Variants in ZNF33B observed in about 807,000 individuals in gnomAD.
ZNF33B encodes zinc finger protein 33B.
A neutral mutation model predicts 45.8 loss-of-function variants in ZNF33B; 29 were observed. That is an observed-to-expected ratio of 0.63 (90% CI 0.47 to 0.86). The LOEUF is 0.86. Among genes scored for constraint, ZNF33B ranks in the 40% least tolerant of loss-of-function variants. ZNF33B has a pLI of 0.00. For synonymous variants in ZNF33B, 305 were observed against 307.8 expected, an observed-to-expected ratio of 0.99 and a Z score of 0.10; for missense variants, 831 against 909.9, an observed-to-expected ratio of 0.91 and a Z score of 1.12.
intron 4 of ZNF33B, among the ~76,000 whole-genome samples, chr10:42,601,979 G>A (rs1187830694): frequency 7.0e-6 from 1 of 143,280 alleles, no homozygotes; most frequent in Non-Finnish European, 1.5e-5. Flanking sequence ...GTGCAGAGGT[G>A]CAATCTTGGC....
chr10:42,585,564 T>G (rs1836916720), downstream of ZNF33B, among the ~76,000 whole-genome samples: 2 of 152,232 alleles, frequency 1.3e-5, no homozygotes, highest in Admixed American at 1.3e-4. Context: ...TACCAATGAT[T>G]GATAACACCA....
intron 4 of ZNF33B, among the ~76,000 whole-genome samples, chr10:42,629,491 A>C (rs1838957258): frequency 6.6e-6 from 1 of 152,224 alleles, no homozygotes. Flanking sequence ...ACTTGAGGGA[A>C]TAGATACCCA....
intron 2 of ZNF33B, among the ~76,000 whole-genome samples, chr10:42,635,492 T>C (rs1463123489): frequency 6.6e-6 from 1 of 152,134 alleles, no homozygotes; most frequent in Admixed American, 6.6e-5. Flanking sequence ...ATTTAAAATG[T>C]AGGGGTTTTT....
At chr10:42,638,100 A>C (rs376253560) in intron 1 of ZNF33B, among the ~76,000 whole-genome samples, 3 of 152,370 alleles carry the variant, frequency 2.0e-5, no homozygotes, top group East Asian at 1.9e-4. Context: ...CAGAGTCCGT[A>C]TGTCGGGCGG....
chr10:42,616,897 T>C (rs929848124), intron 4 of ZNF33B, among the ~76,000 whole-genome samples: 13 of 151,816 alleles, frequency 8.6e-5, no homozygotes, highest in Admixed American at 4.6e-4. Flanking sequence ...GGTTTCACCA[T>C]GTTGGCCAGG....
In ZNF33B at chr10:42,594,555, G is replaced by T. The variant is rs147797286; in HGVS notation, c.395C>A (p.Ser132Tyr). 153 of 1,613,382 alleles carry T rather than the reference G, an allele frequency of 9.5e-5. No homozygotes were observed. The African/African-American group carries it at 1.8e-3, about 19-fold the overall frequency. ...IGIPFNMDVS[S>Y]FPSRKMFCQY... ...ACAGAACATTTTTCTGGAAGGAAAA[G>T]AACTTACGTCCATGTTAAATGGTAT... The change falls in exon 5 of 5, where the codon TCT (serine) becomes TAT (tyrosine). Residue 132 changes from serine (S) to tyrosine (Y), a missense_variant. Coordinates refer to ENST00000359467, the MANE Select transcript of ZNF33B (RefSeq NM_006955.3).
At chr10:42,585,647 A>G (rs1028833105), downstream of ZNF33B, among the ~76,000 whole-genome samples, 15 of 152,388 alleles carry the variant, frequency 9.8e-5, no homozygotes, top group African/African-American at 3.1e-4. Context: ...GACAGAGAAC[A>G]TGACAAGGAA....
chr10:42,632,415 C>T lies in ZNF33B; in HGVS notation c.34G>A (p.Val12Ile), dbSNP rs1473025268. ...CCCACAGTCACATCTTTAAATGATA[C>T]TGACCCCTGGAACTTCTGATCTACC... ...NKVDQKFQGS[V>I]SFKDVTVGFT... The change falls in exon 3 of 5, where the codon GTA (valine) becomes ATA (isoleucine). Residue 12 changes from valine to isoleucine, a missense_variant. Transcript: ENST00000359467. 6.2e-7 allele frequency: 1 copy of T among 1,613,658 alleles called. No individual in the cohort carries two copies. Among genetic ancestry groups the T allele is most frequent in the Non-Finnish European group, 8.5e-7 (1 of 1,179,930 alleles).
At chr10:42,623,520 T>C (rs909546370) in intron 4 of ZNF33B, among the ~76,000 whole-genome samples, 2 of 152,192 alleles carry the variant, frequency 1.3e-5, no homozygotes, top group Non-Finnish European at 2.9e-5. Context: ...TCTTGATACT[T>C]GTTACAATAC....
chr10:42,612,253 T>TTTTTA (rs1838132712), intron 4 of ZNF33B, among the ~76,000 whole-genome samples: 1 of 150,012 alleles, frequency 6.7e-6, no homozygotes, highest in African/African-American at 2.5e-5. Flanking sequence ...TTTTTTTTTT[T>TTTTTA]GAGACAGAGT....
Position 42,590,603 on chromosome 10 carries a change from G to A in ZNF33B, c.*2010C>T, listed in dbSNP as rs775306025. 3.9e-5 allele frequency: 6 copies of A among 152,072 alleles called. No individual in the cohort carries two copies. The highest frequency in any genetic ancestry group is 2.1e-4 in the South Asian group (1 of 4,828). The allele number at this position is 152,072 out of a possible 1,614,324, so 9.4% of individuals were successfully genotyped here. On this transcript the variant is annotated 3_prime_UTR_variant, in exon 5 of 5. Coordinates refer to ENST00000359467, the MANE Select transcript of ZNF33B (RefSeq NM_006955.3). ...TGGTCTTGGAAGGTTATTAATTACT[G>A]CTTCAATTTATTTAATAGATATATA...
chr10:42,575,614 T>C lies in ZNF33B; in HGVS notation c.74-936A>G, dbSNP rs11239684. On this transcript the variant is annotated intron_variant, in intron 1 of 1. Coordinates refer to the ZNF33B transcript ENST00000462075. Reference sequence around the variant, plus strand: ...TTCCACAATTATGATGATTTTTGTGTTTATCTTTCTATATTTTATATACCA... The same window carrying C: ...TTCCACAATTATGATGATTTTTGTGCTTATCTTTCTATATTTTATATACCA... Among the ~76,000 whole-genome samples, 776 of 152,006 alleles carry C rather than the reference T, an allele frequency of 5.1e-3. 22 individuals carry two copies. The South Asian group carries it at 0.069, about 14-fold the overall frequency.
intron 4 of ZNF33B, among the ~76,000 whole-genome samples, chr10:42,606,712 A>T (rs1276192604): frequency 6.6e-6 from 1 of 151,972 alleles, no homozygotes; most frequent in Non-Finnish European, 1.5e-5. Flanking sequence ...GAAGAAACTT[A>T]AGAGGATGGG....
intron 4 of ZNF33B, among the ~76,000 whole-genome samples, chr10:42,616,175 G>A (rs2484298): frequency 0.31 from 47,416 of 151,810 alleles, 8,361 homozygotes; most frequent in East Asian, 0.45. Flanking sequence ...AGAGGTTGCA[G>A]TGAGCTGAGA....
Position 42,592,844 on chromosome 10 carries a change from G to A in ZNF33B, c.2106C>T (p.Phe702=), listed in dbSNP as rs1171127786. ...PYECNECGKS[F]SHKSSLTVHH... The stretch of plus-strand genomic sequence containing the variant: ...GTACTGTGAGTGATGATTTGTGACT[G>A]AAGGATTTCCCACATTCATTGCATT... The change falls in exon 5 of 5, where the codon TTC becomes TTT. Residue 702 remains phenylalanine, a synonymous_variant. Transcript: ENST00000359467. 1.9e-6 allele frequency: 3 copies of A among 1,614,112 alleles called. No individual in the cohort carries two copies. Among genetic ancestry groups the A allele is most frequent in the Non-Finnish European group, 2.5e-6 (3 of 1,179,988 alleles).
chr10:42,581,260 A>T lies in ZNF33B; in HGVS notation c.74-6582T>A, dbSNP rs189112660. ...CAGCGCTTTTGGAGGTTGAGGCAGG[A>T]GTTCGAGACCAGCCTGGCCAACATG... On this transcript the variant is annotated intron_variant, in intron 1 of 1. Coordinates refer to the ZNF33B transcript ENST00000462075. Among the ~76,000 whole-genome samples, 24 of 152,110 alleles carry T rather than the reference A, an allele frequency of 1.6e-4. No homozygotes were observed. In the East Asian group the frequency reaches 4.7e-3, roughly 30 times the overall value.
rs535575359 is a variant in ZNF33B at position 42,595,478 on chromosome 10, A to G, written c.251-779T>C. ...TCAAGTCTTATTAAAGACTTATTAA[A>G]GACATTCCTTATTAAGGAATCTGTC... is the stretch of plus-strand genomic sequence containing the variant. On this transcript the variant is annotated intron_variant, in intron 4 of 4. Coordinates refer to ENST00000359467, the MANE Select transcript of ZNF33B (RefSeq NM_006955.3). 7.4e-5 allele frequency among the ~76,000 whole-genome samples: 11 copies of G among 149,600 alleles called. No individual in the cohort carries two copies. The East Asian group carries it at 2.1e-3, about 29-fold the overall frequency.
At chr10:42,584,001 C>T (rs1038575306) in intron 1 of ZNF33B, among the ~76,000 whole-genome samples, 4 of 152,156 alleles carry the variant, frequency 2.6e-5, no homozygotes, top group East Asian at 1.9e-4. Context: ...CTGTGCATTG[C>T]GCAAGCAGCT....
chr10:42,601,930 T>G (rs2483694), intron 4 of ZNF33B, among the ~76,000 whole-genome samples: 23,483 of 74,934 alleles, frequency 0.31, 2,161 homozygotes, highest in Non-Finnish European at 0.41. Flanking sequence ...TTTTTTTTTT[T>G]GGGGGGAGAC....
Sources: gnomAD v4.1 joint callset for allele counts (sites outside exome capture counted in the v4.1 genomes callset) on GRCh38, gnomAD v4.1.1 for gene constraint, MANE v1.5 for transcripts, NCBI Gene and HGNC (gene_info 2026-07-23, HGNC 2026-07-21) for gene names.